The following NECTIN1 variants were observed in gnomAD, a reference collection of about 807,000 sequenced individuals.
The protein encoded by NECTIN1 is nectin-1.
Under a neutral mutation model 48.0 loss-of-function variants are expected in NECTIN1, and 23 were observed. The ratio of observed to expected loss-of-function variants is 0.48; its 90% CI spans 0.34 to 0.68. The LOEUF is 0.68. Ranked by LOEUF, NECTIN1 falls within the 30% of genes least tolerant of loss-of-function variation. NECTIN1 has a pLI of 0.01. For synonymous variants in NECTIN1, 270 were observed against 288.9 expected, an observed-to-expected ratio of 0.93 and a Z score of 0.66; for missense variants, 591 against 709.9, an observed-to-expected ratio of 0.83 and a Z score of 1.90.
intron 1 of NECTIN1, among the ~76,000 whole-genome samples, chr11:119,691,329 T>TG (rs1270397615): frequency 6.6e-6 from 1 of 152,172 alleles, no homozygotes; most frequent in Admixed American, 6.5e-5. Flanking sequence ...AGCCCCAGCT[T>TG]GGGGTCACCC....
At chr11:119,682,181 C>T (rs183030762) in intron 1 of NECTIN1, among the ~76,000 whole-genome samples, 27 of 152,152 alleles carry the variant, frequency 1.8e-4, no homozygotes, top group East Asian at 5.8e-4. Flanking sequence ...GGTTTTCAGA[C>T]GGGAGCAGAG....
exon 8 of NECTIN1, chr11:119,638,136 A>G: frequency 6.2e-7 from 1 of 1,613,498 alleles, no homozygotes; most frequent in Non-Finnish European, 8.5e-7. Flanking sequence ...GTCCTTACCG[A>G]GGGGTGGTAG....
intron 5 of NECTIN1, among the ~76,000 whole-genome samples, chr11:119,666,214 C>T (rs538770068): frequency 2.6e-5 from 4 of 152,350 alleles, no homozygotes; most frequent in South Asian, 2.1e-4. Flanking sequence ...CAGGCATACA[C>T]GCTTGCCGTC....
intron 1 of NECTIN1, among the ~76,000 whole-genome samples, chr11:119,690,383 T>C (rs944934627): frequency 5.3e-5 from 8 of 152,170 alleles, no homozygotes; most frequent in African/African-American, 9.7e-5. Context: ...TGAGCTCTGC[T>C]CCTGGATCAC....
At chr11:119,700,673 C>T (rs1243698368) in intron 1 of NECTIN1, among the ~76,000 whole-genome samples, 5 of 152,310 alleles carry the variant, frequency 3.3e-5, no homozygotes, top group Admixed American at 6.5e-5. Context: ...AGGATGTGAT[C>T]GCAGCATGGC....
chr11:119,662,760 G>A lies in NECTIN1; in HGVS notation c.*1987C>T. On this transcript the variant is annotated 3_prime_UTR_variant, in exon 6 of 6. Transcript: ENST00000264025. The surrounding 1 kb of genome is among the most constrained non-coding windows in gnomAD (Gnocchi z 5.3). ...TAATACTGCTGGGAAAAGCAGCCCAGCTCCTCCACCTCCCTCTGCCCTGTG... is the reference window on the plus strand; with the variant it reads ...TAATACTGCTGGGAAAAGCAGCCCAACTCCTCCACCTCCCTCTGCCCTGTG... The A allele has an allele frequency of 1.0e-6, 1 of 986,506 alleles. No homozygotes were observed. Among genetic ancestry groups the A allele is most frequent in the Non-Finnish European group, 1.2e-6 (1 of 830,562 alleles). 61.1% of individuals were successfully genotyped at this position (986,506 alleles called of 1,614,324 possible).
At chr11:119,659,571 G>C (rs1374189747), downstream of NECTIN1, among the ~76,000 whole-genome samples, 1 of 152,172 alleles carries the variant, frequency 6.6e-6, no homozygotes, top group African/African-American at 2.4e-5. Flanking sequence ...GGCCCAACTG[G>C]ACTAGAAGAC....
intron 5 of NECTIN1, among the ~76,000 whole-genome samples, chr11:119,654,440 G>A (rs1165585579): frequency 6.6e-6 from 1 of 152,088 alleles, no homozygotes; most frequent in Admixed American, 6.6e-5. Flanking sequence ...AGGACACACA[G>A]ACAATTCCTC....
Position 119,661,407 on chromosome 11 carries a change from A to T in NECTIN1, c.*3340T>A. On this transcript the variant is annotated 3_prime_UTR_variant, in exon 6 of 6. Coordinates refer to ENST00000264025, the MANE Select transcript of NECTIN1 (RefSeq NM_002855.5). ...CCTCCTGGCATCCCCGGTACTGGGC[A>T]GTGTGTGAAGCCTCCCTGTGGGTGT... The T allele has an allele frequency of 1.0e-6, 1 of 986,000 alleles. No individual in the cohort carries two copies. The highest frequency in any genetic ancestry group is 1.2e-6 in the Non-Finnish European group (1 of 830,060). 61.1% of individuals were successfully genotyped at this position (986,000 alleles called of 1,614,324 possible).
downstream of NECTIN1, chr11:119,659,179 C>A (rs1002887511): frequency 6.6e-6 from 1 of 152,378 alleles, no homozygotes; most frequent in East Asian, 1.9e-4. Context: ...GGATACCCAG[C>A]GTTCGGAATT....
chr11:119,726,382 C>T (rs944119728), intron 1 of NECTIN1, among the ~76,000 whole-genome samples: 1 of 152,204 alleles, frequency 6.6e-6, no homozygotes, highest in Non-Finnish European at 1.5e-5. Flanking sequence ...GCAGAGAAGG[C>T]ACCAGGAGCC....
chr11:119,668,013 C>T (rs1338383066), intron 5 of NECTIN1, among the ~76,000 whole-genome samples: 4 of 152,162 alleles, frequency 2.6e-5, no homozygotes, highest in South Asian at 2.1e-4. Context: ...TAGAGGGACA[C>T]GTCAAATGCC....
intron 5 of NECTIN1, among the ~76,000 whole-genome samples, chr11:119,643,471 G>A (rs996495815): frequency 3.3e-5 from 5 of 152,208 alleles, no homozygotes; most frequent in African/African-American, 1.2e-4. Context: ...TGGGATCTGC[G>A]CCTGTGTGCT....
intron 1 of NECTIN1, among the ~76,000 whole-genome samples, chr11:119,717,962 G>A (rs1418762095): frequency 6.6e-6 from 1 of 152,262 alleles, no homozygotes; most frequent in Non-Finnish European, 1.5e-5. Context: ...GGGCCACAGA[G>A]GCCGCGCGGT....
At chr11:119,680,151 T>C (rs2135553711) in intron 1 of NECTIN1, among the ~76,000 whole-genome samples, 1 of 152,334 alleles carries the variant, frequency 6.6e-6, no homozygotes, top group African/African-American at 2.4e-5. Flanking sequence ...AGTCTCCACA[T>C]GGGTTGTGTT....
At position 119,665,781 on chromosome 11, in the gene NECTIN1, T is replaced by C. The variant is rs1197738741; in HGVS notation, c.1004-484A>G. Reference sequence around the variant, plus strand: ...AGCAATGATGCATCGTTGCTTCTCCTGCACATAGAACGTGTGCAAATGTCA... The same window carrying C: ...AGCAATGATGCATCGTTGCTTCTCCCGCACATAGAACGTGTGCAAATGTCA... On this transcript the variant is annotated intron_variant, in intron 5 of 5. Transcript: ENST00000264025. This position sits in a 1 kb window ranked among gnomAD's most constrained non-coding sequence, Gnocchi z 5.1. 6.6e-6 allele frequency among the ~76,000 whole-genome samples: 1 copy of C among 152,176 alleles called. No homozygotes were observed. The highest frequency in any genetic ancestry group is 1.5e-5 in the Non-Finnish European group (1 of 68,038).
At chr11:119,657,920 C>CAAAAAAA (rs61352311), downstream of NECTIN1, among the ~76,000 whole-genome samples, 1 of 78,270 alleles carries the variant, frequency 1.3e-5, no homozygotes. Context: ...GACCCCGTCT[C>CAAAAAAA]AAAAAAAAAA....
chr11:119,662,343 C>A lies in NECTIN1; in HGVS notation c.*2404G>T. On this transcript the variant is annotated 3_prime_UTR_variant, in exon 6 of 6. Coordinates refer to ENST00000264025, the MANE Select transcript of NECTIN1 (RefSeq NM_002855.5). This position sits in a 1 kb window ranked among gnomAD's most constrained non-coding sequence, Gnocchi z 5.3. Reference sequence around the variant, plus strand: ...TCCAAGTGCTGACTCCTGCCTCATGCCCACCCTCAGCCCAGGCTGGCAGCT... The same window carrying A: ...TCCAAGTGCTGACTCCTGCCTCATGACCACCCTCAGCCCAGGCTGGCAGCT... 1.0e-6 allele frequency: 1 copy of A among 985,844 alleles called. No individual in the cohort carries two copies. Among genetic ancestry groups the A allele is most frequent in the Non-Finnish European group, 1.2e-6 (1 of 829,946 alleles). 61.1% of individuals were successfully genotyped at this position (985,844 alleles called of 1,614,324 possible).
At chr11:119,706,027 G>A (rs1261591700) in intron 1 of NECTIN1, among the ~76,000 whole-genome samples, 5 of 152,210 alleles carry the variant, frequency 3.3e-5, no homozygotes, top group Admixed American at 6.5e-5. Context: ...AGACAAGAGA[G>A]ATGCTTGTTC....
Sources: gnomAD v4.1 joint callset for allele counts (sites outside exome capture counted in the v4.1 genomes callset) on GRCh38, gnomAD v4.1.1 for gene constraint, Gnocchi (gnomAD v3.1) non-coding constraint, MANE v1.5 for transcripts, NCBI Gene and HGNC (gene_info 2026-07-23, HGNC 2026-07-21) for gene names.